Variants in STARD9 observed in about 807,000 individuals in gnomAD.
The protein encoded by STARD9 is stAR-related lipid transfer protein 9.
Under a neutral mutation model 399.8 loss-of-function variants are expected in STARD9, and 346 were observed. The observed-to-expected ratio is 0.87, with a 90% CI of 0.79 to 0.95. STARD9 has a LOEUF of 0.95. Ranked by LOEUF, STARD9 falls within the 40% of genes least tolerant of loss-of-function variation. STARD9 has a pLI of 0.00. For synonymous variants in STARD9, 2,203 were observed against 2,143.5 expected (o/e 1.03, Z -0.77); for missense variants, 5,832 against 5,667.5 (o/e 1.03, Z -0.93).
rs1167878774 is a variant in STARD9 at position 42,717,778 on chromosome 15, G to T, written c.13542G>T (p.Gln4514His). The change falls in exon 29 of 33, where the codon CAG (glutamine) becomes CAT (histidine). Residue 4514 changes from glutamine (Q) to histidine (H), a missense_variant. Gln to His is a conservative substitution (Grantham distance 24). Coordinates refer to ENST00000290607, the MANE Select transcript of STARD9 (RefSeq NM_020759.3). ...ATTTGCACAACCTCTTCAGCTGCCA[G>T]GCAACTGCTGGCTGGAAGTAAGTTT... ...SDNLHNLFSCQATAGWNYQGE... is the reference protein window; with the variant it reads ...SDNLHNLFSCHATAGWNYQGE... 1.5e-5 allele frequency: 23 copies of T among 1,537,232 alleles called. No homozygotes were observed. The highest frequency in any genetic ancestry group is 2.0e-5 in the Non-Finnish European group (23 of 1,146,908).
chr15:42,685,717 C>A lies in STARD9; in HGVS notation c.4139C>A (p.Thr1380Asn). 1 of 1,537,478 alleles carries A rather than the reference C, an allele frequency of 6.5e-7. No homozygotes were observed. Among genetic ancestry groups the A allele is most frequent in the Non-Finnish European group, 8.7e-7 (1 of 1,146,992 alleles). ...KGERPGYWPN[T>N]EELKPSDAET... is the part of the protein sequence containing the mutation. ...GAGAGGCCTGGATACTGGCCAAATA[C>A]TGAGGAACTAAAGCCATCAGATGCA... The change falls in exon 23 of 33, where the codon ACT (threonine) becomes AAT (asparagine). Residue 1380 changes from threonine (T) to asparagine (N), a missense_variant. Physicochemically the swap from Thr to Asn is moderately conservative, Grantham distance 65. Transcript: ENST00000290607.
chr15:42,689,443 C>T lies in STARD9; in HGVS notation c.7865C>T (p.Ser2622Phe), dbSNP rs139555990. Residue 2622 changes from serine to phenylalanine, a missense_variant, in exon 23 of 33, where the codon TCT becomes TTT. Transcript: ENST00000290607. ...EAPGFHVASL[S>F]AEAGQIDLLP... is the part of the protein sequence containing the mutation. Reference sequence around the variant, plus strand: ...CCGGGATTTCATGTGGCATCTCTATCTGCTGAAGCAGGGCAGATAGATCTG... The same window carrying T: ...CCGGGATTTCATGTGGCATCTCTATTTGCTGAAGCAGGGCAGATAGATCTG... The T allele has an allele frequency of 1.3e-4, 204 of 1,537,424 alleles. No homozygotes were observed. In the East Asian group the frequency reaches 5.0e-3, roughly 38 times the overall value.
intron 26 of STARD9, among the ~76,000 whole-genome samples, chr15:42,715,697 T>C (rs1320446520): frequency 6.6e-6 from 1 of 151,972 alleles, no homozygotes; most frequent in East Asian, 1.9e-4. Context: ...TTAGTAGAGA[T>C]GGGGTTTCAC....
chr15:42,689,648 A>G lies in STARD9; in HGVS notation c.8070A>G (p.Glu2690=), dbSNP rs1383686725. The change falls in exon 23 of 33, where the codon GAA becomes GAG. Residue 2690 remains glutamate, a synonymous_variant. Coordinates refer to ENST00000290607, the MANE Select transcript of STARD9 (RefSeq NM_020759.3). ...GELRQFAGAS[E]PFICHSSSSE... is the part of the protein sequence containing the mutation. ...TGAGGCAGTTCGCGGGAGCAAGTGA[A>G]CCATTTATATGTCACTCTAGTTCTT... The G allele has an allele frequency of 3.3e-6, 5 of 1,537,600 alleles. No homozygotes were observed. Among genetic ancestry groups the G allele is most frequent in the Non-Finnish European group, 4.4e-6 (5 of 1,147,016 alleles).
rs770660132 is a variant in STARD9 at position 42,663,430 on chromosome 15, G to A, written c.1018G>A (p.Val340Met). The A allele has an allele frequency of 3.9e-6, 6 of 1,537,176 alleles. No homozygotes were observed. Among genetic ancestry groups the A allele is most frequent in the Non-Finnish European group, 5.2e-6 (6 of 1,146,904 alleles). The change falls in exon 12 of 33, where the codon GTG (valine) becomes ATG (methionine). Residue 340 changes from valine (V) to methionine (M), a missense_variant. Physicochemically the swap from Val to Met is conservative, Grantham distance 21. Around this residue, in one of 2 missense-constraint regions of STARD9, gnomAD observed 5,828 missense variants for 5,651.1 expected, o/e 1.03. Coordinates refer to ENST00000290607, the MANE Select transcript of STARD9 (RefSeq NM_020759.3). ...GTCTTATATCCCATACCGAGACTCTGTGTTGACCTGGCTGCTGAAGGACAG... is the reference window on the plus strand; with the variant it reads ...GTCTTATATCCCATACCGAGACTCTATGTTGACCTGGCTGCTGAAGGACAG... ...RQSYIPYRDS[V>M]LTWLLKDSLG...
chr15:42,685,640 G>T lies in STARD9; in HGVS notation c.4062G>T (p.Val1354=). 3.9e-6 allele frequency: 6 copies of T among 1,537,222 alleles called. No individual in the cohort carries two copies. Among genetic ancestry groups the T allele is most frequent in the Non-Finnish European group, 4.4e-6 (5 of 1,146,938 alleles). The change falls in exon 23 of 33, where the codon GTG becomes GTT. Residue 1354 remains valine (V), a synonymous_variant. Coordinates refer to ENST00000290607, the MANE Select transcript of STARD9 (RefSeq NM_020759.3). ...KINPSSPPGI[V]GSLCPSPDMQ... ...ACCCCAGCAGCCCCCCAGGAATAGT[G>T]GGTTCTTTATGTCCAAGTCCTGATA...
At chr15:42,712,103 T>A (rs868215100) in intron 26 of STARD9, among the ~76,000 whole-genome samples, 8 of 4,274 alleles carry the variant, frequency 1.9e-3, no homozygotes, top group Admixed American at 0.01. Context: ...ATATAATATA[T>A]AATATATAAT....
At chr15:42,613,914 G>A (rs1242008007) in intron 3 of STARD9, among the ~76,000 whole-genome samples, 2 of 151,612 alleles carry the variant, frequency 1.3e-5, no homozygotes, top group African/African-American at 2.4e-5. Context: ...GCGGTGAGCC[G>A]AGATCCTGCC....
At chr15:42,637,884 C>T in intron 4 of STARD9, 23 bp from the exon 5 acceptor site, 1 of 1,537,000 alleles carries the variant, frequency 6.5e-7, no homozygotes, top group Non-Finnish European at 8.7e-7. Flanking sequence ...AACAATAATG[C>T]TTTCCTTTCT....
rs999649798 is a variant in STARD9, at chr15:42,688,938, C to G, written c.7360C>G (p.Leu2454Val). Residue 2454 changes from leucine (L) to valine (V), a missense_variant, in exon 23 of 33, where the codon CTG becomes GTG. Physicochemically the swap from Leu to Val is conservative, Grantham distance 32. Coordinates refer to ENST00000290607, the MANE Select transcript of STARD9 (RefSeq NM_020759.3). ...DHGKDLRITL[L>V]GFSTSEDFAS... ...TGGAAAGGACCTCAGAATCACCTTG[C>G]TGGGTTTCAGTACCAGTGAAGATTT... is the stretch of plus-strand genomic sequence containing the variant. 13 of 1,537,278 alleles carry G rather than the reference C, an allele frequency of 8.5e-6. No individual in the cohort carries two copies. Among genetic ancestry groups the G allele is most frequent in the Middle Eastern group, 1.7e-4 (1 of 6,012 alleles).
intron 3 of STARD9, among the ~76,000 whole-genome samples, chr15:42,587,958 C>T (rs2058311075): frequency 6.6e-6 from 1 of 152,112 alleles, no homozygotes; most frequent in Non-Finnish European, 1.5e-5. Context: ...CAAGAAGAAC[C>T]AGCAAAGTAA....
chr15:42,673,590 T>C (rs1013268990), intron 16 of STARD9, among the ~76,000 whole-genome samples: 6 of 152,130 alleles, frequency 3.9e-5, no homozygotes, highest in Non-Finnish European at 7.3e-5. Context: ...AAAAAGGAGA[T>C]GTTAATACCT....
chr15:42,664,865 C>T (rs917645121), intron 13 of STARD9, among the ~76,000 whole-genome samples: 1 of 151,806 alleles, frequency 6.6e-6, no homozygotes, highest in East Asian at 1.9e-4. Context: ...TGTAATTAGG[C>T]AGTATAGGCT....
chr15:42,679,534 A>G (rs551464299), intron 20 of STARD9, among the ~76,000 whole-genome samples: 1 of 152,040 alleles, frequency 6.6e-6, no homozygotes, highest in East Asian at 1.9e-4. Flanking sequence ...GTCAGCTCCC[A>G]CTCCCATTCC....
rs1231165480 is a variant in STARD9 at position 42,693,720 on chromosome 15, G to A, written c.12142G>A (p.Glu4048Lys). The change falls in exon 23 of 33, where the codon GAG becomes AAG. Residue 4048 changes from glutamate (E) to lysine (K), a missense_variant. By Grantham distance (56) the Glu-to-Lys change is moderately conservative. Transcript: ENST00000290607. Reference protein sequence around the residue: ...SPEHCPLSGREPSQWQSRTEN... With the variant: ...SPEHCPLSGRKPSQWQSRTEN... ...GGAGCATTGCCCACTGAGCGGTAGG[G>A]AGCCAAGTCAGTGGCAGAGCAGGAC... 6.5e-7 allele frequency: 1 copy of A among 1,537,000 alleles called. No individual in the cohort carries two copies. Among genetic ancestry groups the A allele is most frequent in the South Asian group, 1.2e-5 (1 of 84,060 alleles).
At position 42,685,684 on chromosome 15, in the gene STARD9, G is replaced by C; in HGVS notation, c.4106G>C (p.Cys1369Ser). ...CCTGATATGCAGGAATTTCACTCCT[G>C]TAAGGGGGAGAGGCCTGGATACTGG... ...PSPDMQEFHS[C>S]KGERPGYWPN... The change falls in exon 23 of 33, where the codon TGT becomes TCT. Residue 1369 changes from cysteine to serine, a missense_variant. Physicochemically the swap from Cys to Ser is moderately radical, Grantham distance 112 (BLOSUM62 -1). This residue lies in a region of STARD9 where 5,828 missense variants were observed against 5,651.1 expected (regional missense o/e 1.03). Coordinates refer to ENST00000290607, the MANE Select transcript of STARD9 (RefSeq NM_020759.3). The C allele has an allele frequency of 1.3e-6, 2 of 1,537,274 alleles. No homozygotes were observed. Among genetic ancestry groups the C allele is most frequent in the Non-Finnish European group, 1.7e-6 (2 of 1,146,942 alleles).
Position 42,679,028 on chromosome 15 carries a change from G to A in STARD9, c.1875-2394G>A, listed in dbSNP as rs961552119. On this transcript the variant is annotated intron_variant, in intron 20 of 32. Transcript: ENST00000290607. Reference sequence around the variant, plus strand: ...GTCACTTTCTTAGGTGAAGGGTAAGGAGCACCCCTTCTAGGGAGAAGCAGA... The same window carrying A: ...GTCACTTTCTTAGGTGAAGGGTAAGAAGCACCCCTTCTAGGGAGAAGCAGA... Among the ~76,000 whole-genome samples the A allele has an allele frequency of 2.0e-5, 3 of 152,320 alleles. No individual in the cohort carries two copies. The South Asian group carries it at 6.2e-4, about 32-fold the overall frequency.
chr15:42,591,804 G>A (rs972104154), intron 3 of STARD9, among the ~76,000 whole-genome samples: 2 of 152,232 alleles, frequency 1.3e-5, no homozygotes, highest in Non-Finnish European at 2.9e-5. Flanking sequence ...GTCAGCTACT[G>A]CAAGTTCTAC....
chr15:42,615,976 A>C (rs1488573826), intron 3 of STARD9, among the ~76,000 whole-genome samples: 1 of 152,224 alleles, frequency 6.6e-6, no homozygotes, highest in African/African-American at 2.4e-5. Context: ...GGAAGGAAAC[A>C]CATCAGGCCA....
Sources: gnomAD v4.1 joint callset for allele counts (sites outside exome capture counted in the v4.1 genomes callset) on GRCh38, gnomAD v4.1.1 for gene constraint, gnomAD v4.1.1 regional missense constraint, MANE v1.5 for transcripts, NCBI Gene and HGNC (gene_info 2026-07-23, HGNC 2026-07-21) for gene names.